Variants in SPAG16 observed in about 807,000 individuals in gnomAD.
SPAG16 encodes the protein sperm-associated antigen 16 protein.
SPAG16 carries 86 observed loss-of-function variants against 80.4 expected under a neutral mutation model. That is an observed-to-expected ratio of 1.07 (90% confidence interval 0.90 to 1.28). SPAG16 has a LOEUF of 1.28. SPAG16 is among the 50% of genes most tolerant of loss of function. The pLI is 0.00. For missense variants in SPAG16, 870 were observed against 765.3 expected (o/e 1.14, Z -1.61); for synonymous variants, 294 against 265.9 (o/e 1.11, Z -1.03).
intron 9 of SPAG16, among the ~76,000 whole-genome samples, chr2:213,485,349 AT>A (rs1236843633): frequency 2.6e-5 from 4 of 152,098 alleles, no homozygotes; most frequent in Non-Finnish European, 5.9e-5. Context: ...AAACTTACTA[AT>A]TTTATAATTT....
At chr2:213,880,094 C>T (rs1033877584) in intron 11 of SPAG16, among the ~76,000 whole-genome samples, 1 of 152,124 alleles carries the variant, frequency 6.6e-6, no homozygotes, top group African/African-American at 2.4e-5. Context: ...ATTTATATTC[C>T]CACAGTGTAT....
intron 15 of SPAG16, among the ~76,000 whole-genome samples, chr2:214,385,087 G>A (rs1408882160): frequency 1.3e-5 from 2 of 152,228 alleles, no homozygotes; most frequent in Non-Finnish European, 2.9e-5. Context: ...TCATTAGATA[G>A]GAAGTGAGCA....
intron 9 of SPAG16, among the ~76,000 whole-genome samples, chr2:213,408,117 G>T (rs559634043): frequency 7.4e-6 from 1 of 135,080 alleles, no homozygotes; most frequent in Admixed American, 7.2e-5. Context: ...CAAAAACAAA[G>T]AAAAAAAAAC....
chr2:213,680,895 A>G (rs575678076), intron 10 of SPAG16, among the ~76,000 whole-genome samples: 32 of 152,198 alleles, frequency 2.1e-4, no homozygotes, highest in Non-Finnish European at 2.1e-4. Context: ...CTTCCAGGCT[A>G]TAGGTAAATT....
At chr2:214,332,373 C>T (rs1696982393) in intron 15 of SPAG16, among the ~76,000 whole-genome samples, 1 of 152,188 alleles carries the variant, frequency 6.6e-6, no homozygotes, top group Non-Finnish European at 1.5e-5. Flanking sequence ...GCTGTTTTGT[C>T]CACACACAGC....
chr2:213,811,030 G>A (rs1559487505), intron 10 of SPAG16, among the ~76,000 whole-genome samples: 1 of 152,108 alleles, frequency 6.6e-6, no homozygotes, highest in African/African-American at 2.4e-5. Context: ...GTGATGAAGG[G>A]AGGGTCTCCT....
intron 13 of SPAG16, among the ~76,000 whole-genome samples, chr2:214,016,860 G>A (rs2124981324): frequency 6.6e-6 from 1 of 152,102 alleles, no homozygotes; most frequent in South Asian, 2.1e-4. Context: ...TGGTTCCTGG[G>A]TCAATAAGAA....
At chr2:213,509,684 T>G (rs1454877094) in intron 10 of SPAG16, among the ~76,000 whole-genome samples, 4 of 151,764 alleles carry the variant, frequency 2.6e-5, no homozygotes, top group Non-Finnish European at 5.9e-5. Flanking sequence ...AGAGGGAAAT[T>G]TATAGCACTA....
At chr2:213,981,800 A>T (rs1162613999) in intron 12 of SPAG16, among the ~76,000 whole-genome samples, 1 of 151,788 alleles carries the variant, frequency 6.6e-6, no homozygotes, top group Non-Finnish European at 1.5e-5. Context: ...CCCCTTCTAG[A>T]CATACATACA....
intron 10 of SPAG16, among the ~76,000 whole-genome samples, chr2:213,850,197 A>T (rs973533839): frequency 6.6e-6 from 1 of 152,194 alleles, no homozygotes; most frequent in African/African-American, 2.4e-5. Flanking sequence ...TCTTTCACGT[A>T]TTAGAAAGTT....
chr2:213,888,746 G>C (rs2076665701), intron 11 of SPAG16, among the ~76,000 whole-genome samples: 2 of 151,878 alleles, frequency 1.3e-5, no homozygotes, highest in Admixed American at 1.3e-4. Flanking sequence ...AGTGGAAAGA[G>C]AGAATAGAGC....
At chr2:213,428,784 G>T (rs2070105175) in intron 9 of SPAG16, among the ~76,000 whole-genome samples, 1 of 152,046 alleles carries the variant, frequency 6.6e-6, no homozygotes, top group Non-Finnish European at 1.5e-5. Context: ...AGTGAACCCT[G>T]CCAGGTCTAA....
At chr2:214,087,389 TG>T (rs33999062) in intron 13 of SPAG16, among the ~76,000 whole-genome samples, 1 of 152,124 alleles carries the variant, frequency 6.6e-6, no homozygotes, top group Admixed American at 6.6e-5. Flanking sequence ...TTAGCAAACA[TG>T]GAAAATTGAT....
Position 213,728,801 on chromosome 2 carries a change from C to T in SPAG16, c.1071-133684C>T, listed in dbSNP as rs144816233. Among the ~76,000 whole-genome samples the T allele has an allele frequency of 4.2e-3, 597 of 143,234 alleles. 6 individuals are homozygous for T. Among genetic ancestry groups the T allele is most frequent in the African/African-American group, 0.014 (540 of 37,976 alleles). The allele number at this position is 143,234 out of a possible 152,430, so 94.0% of individuals were successfully genotyped here. On this transcript the variant is annotated intron_variant, in intron 10 of 15. Transcript: ENST00000331683. ...CTGAGGCAGGAGAATGGCACGAACT[C>T]GGGAGGCAGAGCTTGCGGTGAGCTG...
intron 12 of SPAG16, among the ~76,000 whole-genome samples, chr2:213,963,049 T>A (rs2044532157): frequency 6.6e-6 from 1 of 151,426 alleles, no homozygotes. Context: ...TTTCCTACTG[T>A]TATTTTGTTT....
At chr2:213,485,982 C>T (rs1448668108) in intron 9 of SPAG16, among the ~76,000 whole-genome samples, 1 of 152,032 alleles carries the variant, frequency 6.6e-6, no homozygotes, top group Non-Finnish European at 1.5e-5. Context: ...TAATTGTTTT[C>T]AGGGTACATG....
chr2:213,995,838 C>T (rs2046489533), intron 12 of SPAG16, among the ~76,000 whole-genome samples: 1 of 152,164 alleles, frequency 6.6e-6, no homozygotes, highest in African/African-American at 2.4e-5. Flanking sequence ...TGTGGTGTTT[C>T]CCTCTGAGAT....
rs1331446977 is a variant in SPAG16 at position 213,719,159 on chromosome 2, T to C, written c.1071-143326T>C. 3.3e-5 allele frequency among the ~76,000 whole-genome samples: 5 copies of C among 152,140 alleles called. No homozygotes were observed. The East Asian group carries it at 5.8e-4, about 18-fold the overall frequency. ...GGCACTCTGTATCTAGCTCAAGGTT[T>C]GTAAATACACCAATCAGCACCCTGT... On this transcript the variant is annotated intron_variant, in intron 10 of 15. Coordinates refer to ENST00000331683, the MANE Select transcript of SPAG16 (RefSeq NM_024532.5).
intron 12 of SPAG16, among the ~76,000 whole-genome samples, chr2:214,002,392 G>C (rs1013602695): frequency 1.3e-5 from 2 of 152,094 alleles, no homozygotes; most frequent in Non-Finnish European, 2.9e-5. Flanking sequence ...TGAACACATG[G>C]ATAAAATGAT....
Sources: gnomAD v4.1 joint callset for allele counts (sites outside exome capture counted in the v4.1 genomes callset) on GRCh38, gnomAD v4.1.1 for gene constraint, MANE v1.5 for transcripts, NCBI Gene and HGNC (gene_info 2026-07-23, HGNC 2026-07-21) for gene names.